SOBP: variants seen among roughly 807,000 people sequenced by gnomAD.
The protein encoded by SOBP is sine oculis-binding protein homolog.
In SOBP, 4 loss-of-function variants were observed where a neutral mutation model predicts 53.6. The observed-to-expected ratio is 0.07, with a 90% CI of 0.04 to 0.17. The LOEUF is 0.17. Ranked by LOEUF, SOBP falls within the 10% of genes least tolerant of loss-of-function variation. SOBP has a pLI of 1.00. For missense variants in SOBP, 1,088 were observed against 1,204.7 expected (o/e 0.90, Z 1.43); for synonymous variants, 584 against 522.6 (o/e 1.12, Z -1.60).
intron 2 of SOBP, among the ~76,000 whole-genome samples, chr6:107,505,244 C>T (rs1328184050): frequency 1.3e-5 from 2 of 152,098 alleles, no homozygotes; most frequent in African/African-American, 2.4e-5. Flanking sequence ...AGGCTTTCCC[C>T]TGGTAGCCAG....
chr6:107,502,194 A>G (rs894405021), intron 1 of SOBP, among the ~76,000 whole-genome samples: 1 of 152,210 alleles, frequency 6.6e-6, no homozygotes, highest in African/African-American at 2.4e-5. Context: ...CACGGAACTC[A>G]CACGTTGAGA....
Position 107,634,773 on chromosome 6 carries a change from A to C in SOBP, c.1929A>C (p.Pro643=), listed in dbSNP as rs1448019753. ...PPGAGGQLGF[P]GVLQGPQDGV... is the part of the protein sequence containing the mutation. ...GCGCGGGCGGCCAGCTCGGCTTCCC[A>C]GGCGTGCTGCAGGGCCCGCAGGACG... Residue 643 remains proline (P), a synonymous_variant, in exon 6 of 7, where the codon CCA becomes CCC. Transcript: ENST00000317357. The surrounding 1 kb of genome is among the most constrained non-coding windows in gnomAD (Gnocchi z 4.5). 2.2e-6 allele frequency: 3 copies of C among 1,371,182 alleles called. No homozygotes were observed. Among genetic ancestry groups the C allele is most frequent in the Non-Finnish European group, 2.8e-6 (3 of 1,063,108 alleles). The allele number at this position is 1,371,182 out of a possible 1,614,324, so 84.9% of individuals were successfully genotyped here.
At chr6:107,524,307 A>G (rs539404457) in intron 3 of SOBP, among the ~76,000 whole-genome samples, 132 of 152,248 alleles carry the variant, frequency 8.7e-4, no homozygotes, top group Non-Finnish European at 1.6e-3. Context: ...TGCTGAGTAG[A>G]CTTCAGCTAT....
At chr6:107,525,969 C>G (rs118148497) in intron 3 of SOBP, among the ~76,000 whole-genome samples, 3 of 151,878 alleles carry the variant, frequency 2.0e-5, no homozygotes, top group Non-Finnish European at 4.4e-5. Context: ...TTCCCCGAGA[C>G]GGAGTTTCGC....
chr6:107,549,984 G>T (rs973538402), intron 4 of SOBP, among the ~76,000 whole-genome samples: 1 of 152,174 alleles, frequency 6.6e-6, no homozygotes, highest in Non-Finnish European at 1.5e-5. Context: ...CTCATTCCTG[G>T]GAAGCCTGGC....
intron 4 of SOBP, among the ~76,000 whole-genome samples, chr6:107,544,041 A>G (rs1784226826): frequency 6.6e-6 from 1 of 152,214 alleles, no homozygotes; most frequent in African/African-American, 2.4e-5. Context: ...TCCTCAGTGT[A>G]AGTGGCCTAG....
At chr6:107,641,887 T>C (rs1336998748) in intron 6 of SOBP, among the ~76,000 whole-genome samples, 1 of 152,248 alleles carries the variant, frequency 6.6e-6, no homozygotes, top group African/African-American at 2.4e-5. Context: ...CAGACTTTCC[T>C]GTCTAAGAGA....
chr6:107,575,633 A>C (rs1422529685), intron 4 of SOBP, among the ~76,000 whole-genome samples: 1 of 152,180 alleles, frequency 6.6e-6, no homozygotes, highest in Non-Finnish European at 1.5e-5. Context: ...CTCAGTTTAC[A>C]CTAAGAAGGG....
chr6:107,579,714 G>A (rs1410159137), intron 4 of SOBP, among the ~76,000 whole-genome samples: 1 of 152,184 alleles, frequency 6.6e-6, no homozygotes, highest in Non-Finnish European at 1.5e-5. Context: ...TCTCATGGAG[G>A]CCATAAACAT....
chr6:107,558,006 TA>T (rs1019078056), intron 4 of SOBP: 1 of 152,180 alleles, frequency 6.6e-6, no homozygotes, highest in Non-Finnish European at 1.5e-5. Context: ...ATTTTAGACT[TA>T]GAATGTTGAT....
chr6:107,576,476 G>C (rs1378529371), intron 4 of SOBP, among the ~76,000 whole-genome samples: 1 of 152,200 alleles, frequency 6.6e-6, no homozygotes, highest in Non-Finnish European at 1.5e-5. Context: ...GCAGTGACCA[G>C]GGTGGGATAC....
intron 5 of SOBP, among the ~76,000 whole-genome samples, chr6:107,616,052 A>G (rs1370984843): frequency 2.7e-5 from 3 of 112,680 alleles, no homozygotes; most frequent in African/African-American, 3.6e-5. Flanking sequence ...AAAAAGAAAA[A>G]AAAAGGATGC....
At chr6:107,525,756 C>G (rs1340102526) in intron 3 of SOBP, among the ~76,000 whole-genome samples, 1 of 152,134 alleles carries the variant, frequency 6.6e-6, no homozygotes, top group Non-Finnish European at 1.5e-5. Context: ...CCATTTATTC[C>G]TTCATGTAGC....
intron 3 of SOBP, among the ~76,000 whole-genome samples, chr6:107,520,066 C>G (rs2114969248): frequency 6.6e-6 from 1 of 152,212 alleles, no homozygotes; most frequent in East Asian, 1.9e-4. Context: ...AAAAAGGGCA[C>G]CAGATTCTCA....
chr6:107,532,272 C>CACACACACCACA (rs56398781), intron 3 of SOBP, among the ~76,000 whole-genome samples: 1 of 108,052 alleles, frequency 9.3e-6, no homozygotes, highest in African/African-American at 2.9e-5. Context: ...CACACACACA[C>CACACACACCACA]CACACACACA....
At chr6:107,639,869 A>T (rs375139579) in intron 6 of SOBP, among the ~76,000 whole-genome samples, 1 of 152,350 alleles carries the variant, frequency 6.6e-6, no homozygotes, top group East Asian at 1.9e-4. Flanking sequence ...TACAAGGAGT[A>T]ACCCTTTCAT....
chr6:107,625,845 A>T (rs1770436876), intron 5 of SOBP, among the ~76,000 whole-genome samples: 1 of 152,256 alleles, frequency 6.6e-6, no homozygotes, highest in Non-Finnish European at 1.5e-5. Context: ...TCTAAAAAAA[A>T]GTTTGCATGA....
chr6:107,586,061 T>C (rs1349102326), intron 4 of SOBP, among the ~76,000 whole-genome samples: 1 of 152,236 alleles, frequency 6.6e-6, no homozygotes, highest in Non-Finnish European at 1.5e-5. Context: ...TGCTGCTTCC[T>C]GTGCGGCTCT....
At chr6:107,646,976 C>G (rs1185434490) in intron 6 of SOBP, among the ~76,000 whole-genome samples, 1 of 152,164 alleles carries the variant, frequency 6.6e-6, no homozygotes, top group Non-Finnish European at 1.5e-5. Context: ...TAAAGTGTGG[C>G]TCATCACAGA....
Sources: allele counts gnomAD v4.1 joint callset (sites outside exome capture counted in the v4.1 genomes callset), GRCh38; gene constraint gnomAD v4.1.1; non-coding constraint Gnocchi (gnomAD v3.1); transcripts MANE v1.5; gene names NCBI Gene and HGNC (gene_info 2026-07-23, HGNC 2026-07-21).